AKIRIN2: variants seen among roughly 807,000 people sequenced by gnomAD.
AKIRIN2 encodes akirin-2.
Under a neutral mutation model 29.3 loss-of-function variants are expected in AKIRIN2, and 6 were observed. That is an observed-to-expected ratio of 0.20 (90% confidence interval 0.11 to 0.40). The LOEUF (loss-of-function observed/expected upper bound fraction) is 0.40. Among genes scored for constraint, AKIRIN2 ranks in the 10% least tolerant of loss-of-function variants. AKIRIN2 has a pLI of 1.00. For missense variants in AKIRIN2, 210 were observed against 276.1 expected, an observed-to-expected ratio of 0.76 and a Z score of 1.70; for synonymous variants, 128 against 117.5, an observed-to-expected ratio of 1.09 and a Z score of -0.58.
chr6:87,688,479 C>T (rs148307677), intron 1 of AKIRIN2, among the ~76,000 whole-genome samples: 57 of 152,182 alleles, frequency 3.7e-4, no homozygotes, highest in African/African-American at 1.3e-3. Flanking sequence ...GGCACAGTGG[C>T]TCACGCCTGT....
intron 2 of AKIRIN2, among the ~76,000 whole-genome samples, chr6:87,679,677 G>A (rs1771087673): frequency 6.6e-6 from 1 of 150,852 alleles, no homozygotes; most frequent in Non-Finnish European, 1.5e-5. Flanking sequence ...CTATACCATA[G>A]AACTACACTG....
chr6:87,702,200 A>G lies in AKIRIN2; in HGVS notation c.-516T>C. Reference sequence around the variant, plus strand: ...TGCCGCAGCAGGAACCCAAGCGAACACGTCCAACCGCTTCCCCTCCCTCGT... The same window carrying G: ...TGCCGCAGCAGGAACCCAAGCGAACGCGTCCAACCGCTTCCCCTCCCTCGT... On this transcript the variant is annotated 5_prime_UTR_variant, in exon 1 of 5. Transcript: ENST00000257787. 2.5e-6 allele frequency: 1 copy of G among 397,930 alleles called. No homozygotes were observed. Among genetic ancestry groups the G allele is most frequent in the Admixed American group, 4.4e-5 (1 of 22,724 alleles). The allele number at this position is 397,930 out of a possible 1,614,324, so 24.6% of individuals were successfully genotyped here. A position where few individuals can be genotyped will look rare whatever the true frequency, so the allele number is the denominator to read the frequency against.
At chr6:87,688,730 G>A (rs946272794) in intron 1 of AKIRIN2, among the ~76,000 whole-genome samples, 11 of 152,120 alleles carry the variant, frequency 7.2e-5, no homozygotes, top group African/African-American at 2.4e-4. Flanking sequence ...TCCAGCCTGG[G>A]CAACAAGAGT....
chr6:87,679,888 C>T (rs753618906), intron 2 of AKIRIN2, among the ~76,000 whole-genome samples: 2 of 152,202 alleles, frequency 1.3e-5, no homozygotes, highest in Non-Finnish European at 1.5e-5. Context: ...CTTCATCTCG[C>T]TCTGTGAATT....
At chr6:87,676,105 A>C (rs917760820) in intron 3 of AKIRIN2, among the ~76,000 whole-genome samples, 174 bp from the exon 4 acceptor site, 6 of 152,194 alleles carry the variant, frequency 3.9e-5, no homozygotes, top group African/African-American at 7.2e-5. Context: ...TTAGTCAGGA[A>C]ACCTAGGTTT....
At chr6:87,700,358 C>A (rs965016003) in intron 1 of AKIRIN2, among the ~76,000 whole-genome samples, 1 of 151,508 alleles carries the variant, frequency 6.6e-6, no homozygotes, top group Non-Finnish European at 1.5e-5. Flanking sequence ...GATAACGAGA[C>A]ATTTAAATCA....
chr6:87,699,919 T>C (rs1771430172), intron 1 of AKIRIN2, among the ~76,000 whole-genome samples: 1 of 152,214 alleles, frequency 6.6e-6, no homozygotes, highest in Admixed American at 6.5e-5. Context: ...TATTTTGAAA[T>C]GGCTTTATTA....
chr6:87,676,769 G>A (rs1393745236), intron 3 of AKIRIN2, among the ~76,000 whole-genome samples: 1 of 144,794 alleles, frequency 6.9e-6, no homozygotes, highest in African/African-American at 2.6e-5. Context: ...GACAGAGTGA[G>A]ACTCCATCTT....
intron 1 of AKIRIN2, among the ~76,000 whole-genome samples, chr6:87,685,120 T>G (rs1424695805): frequency 6.6e-6 from 1 of 152,194 alleles, no homozygotes; most frequent in Non-Finnish European, 1.5e-5. Context: ...CTATGTCATC[T>G]AAGCCACACT....
At chr6:87,698,646 A>T (rs1424770067) in intron 1 of AKIRIN2, among the ~76,000 whole-genome samples, 2 of 152,214 alleles carry the variant, frequency 1.3e-5, no homozygotes, top group African/African-American at 4.8e-5. Context: ...CTGTGTGTTA[A>T]GGAGTCCCTA....
intron 2 of AKIRIN2, among the ~76,000 whole-genome samples, chr6:87,679,415 A>G (rs1454501494): frequency 6.7e-6 from 1 of 149,148 alleles, no homozygotes; most frequent in Non-Finnish European, 1.5e-5. Context: ...TTCTAGCTAC[A>G]GGCTAGGCTG....
chr6:87,681,497 C>A, intron 2 of AKIRIN2, 123 bp downstream of exon 2: 1 of 953,338 alleles, frequency 1.0e-6, no homozygotes, highest in Non-Finnish European at 1.5e-6. Flanking sequence ...TCATGCATTA[C>A]TTGTATAAAT....
chr6:87,685,303 C>CT (rs1771170134), intron 1 of AKIRIN2, among the ~76,000 whole-genome samples: 1 of 152,204 alleles, frequency 6.6e-6, no homozygotes, highest in African/African-American at 2.4e-5. Flanking sequence ...AAGCTGATAA[C>CT]TCAAGAAATT....
At chr6:87,676,041 T>C in intron 3 of AKIRIN2, 110 bp from the exon 4 acceptor site, 1 of 848,050 alleles carries the variant, frequency 1.2e-6, no homozygotes, top group Admixed American at 2.5e-5. Flanking sequence ...CAAAATCACT[T>C]ACATAACCTC....
At chr6:87,689,469 C>G (rs1358377728) in intron 1 of AKIRIN2, among the ~76,000 whole-genome samples, 1 of 152,116 alleles carries the variant, frequency 6.6e-6, no homozygotes, top group Non-Finnish European at 1.5e-5. Context: ...CAGAGTGAGA[C>G]TCGGTCTCAA....
intron 1 of AKIRIN2, among the ~76,000 whole-genome samples, chr6:87,690,203 T>C: frequency 7.3e-6 from 1 of 137,112 alleles, no homozygotes. Context: ...CGAAACTCCA[T>C]CTCAAAAAAA....
chr6:87,681,689 G>T lies in AKIRIN2; in HGVS notation c.310C>A (p.Gln104Lys). Residue 104 changes from glutamine (Q) to lysine (K), a missense_variant, in exon 2 of 5, where the codon CAG (glutamine) becomes AAG (lysine). This residue lies in a region of AKIRIN2 where 199 missense variants were observed against 236.5 expected (regional missense o/e 0.84). Coordinates refer to ENST00000257787, the MANE Select transcript of AKIRIN2 (RefSeq NM_018064.4). ...KRRHLETSFQ[Q>K]TDPCCTSDAQ... ...TCAGAAGTACAACACGGATCTGTCT[G>T]TTGGAAACTCGTTTCTAAATGTCTT... is the stretch of plus-strand genomic sequence containing the variant. The T allele has an allele frequency of 6.2e-7, 1 of 1,613,394 alleles. No individual in the cohort carries two copies. The highest frequency in any genetic ancestry group is 8.5e-7 in the Non-Finnish European group (1 of 1,179,578).
intron 1 of AKIRIN2, among the ~76,000 whole-genome samples, chr6:87,688,917 T>C (rs2128302011): frequency 6.6e-6 from 1 of 152,358 alleles, no homozygotes; most frequent in South Asian, 2.1e-4. Flanking sequence ...TGTATTTACC[T>C]GCAGGGTTTT....
chr6:87,696,848 A>C (rs1377811648), intron 1 of AKIRIN2, among the ~76,000 whole-genome samples: 1 of 151,896 alleles, frequency 6.6e-6, no homozygotes, highest in Non-Finnish European at 1.5e-5. Context: ...TCTTCTAAAA[A>C]TACAAAAATT....
Sources: allele counts gnomAD v4.1 joint callset (sites outside exome capture counted in the v4.1 genomes callset), GRCh38; gene constraint gnomAD v4.1.1; regional missense constraint gnomAD v4.1.1; transcripts MANE v1.5; gene names NCBI Gene and HGNC (gene_info 2026-07-23, HGNC 2026-07-21).